Variants in ZMAT3 observed in about 807,000 individuals in gnomAD.
ZMAT3 encodes zinc finger matrin-type 3, also known as zinc finger matrin-type protein 3.
Under a neutral mutation model 32.3 loss-of-function variants are expected in ZMAT3, and 17 were observed. The observed-to-expected ratio is 0.53, with a 90% CI of 0.36 to 0.79. The LOEUF (loss-of-function observed/expected upper bound fraction) is 0.79. Ranked by LOEUF, ZMAT3 falls within the 30% of genes least tolerant of loss-of-function variation. The pLI, the probability that ZMAT3 is intolerant of heterozygous loss-of-function variation, is 0.00. For missense variants in ZMAT3, 329 were observed against 359.7 expected (o/e 0.91, Z 0.69); for synonymous variants, 120 against 133.1 (o/e 0.90, Z 0.68).
chr3:179,068,814 T>A (rs549358224), intron 1 of ZMAT3, among the ~76,000 whole-genome samples: 12 of 152,370 alleles, frequency 7.9e-5, no homozygotes, highest in African/African-American at 2.9e-4. Flanking sequence ...TTGTTTTCAT[T>A]TTTTTAAGTC....
At chr3:179,060,494 A>T (rs1477418658) in intron 2 of ZMAT3, among the ~76,000 whole-genome samples, 3 of 152,136 alleles carry the variant, frequency 2.0e-5, no homozygotes, top group African/African-American at 7.2e-5. Context: ...ATACAAAAAA[A>T]TTAGCTGGGC....
rs61604639 is a variant in ZMAT3, at chr3:179,068,511, C to CAA, written c.-57-704_-57-703dup. Among the ~76,000 whole-genome samples the CAA allele has an allele frequency of 1.7e-3, 227 of 137,144 alleles. 1 individual carries two copies. Among genetic ancestry groups the CAA allele is most frequent in the African/African-American group, 5.5e-3 (207 of 37,864 alleles). The allele number at this position is 137,144 out of a possible 152,430, so 90.0% of individuals were successfully genotyped here. On this transcript the variant is annotated intron_variant, in intron 1 of 5. Coordinates refer to ENST00000311417, the MANE Select transcript of ZMAT3 (RefSeq NM_022470.4). ...TGGGTGACAGAGCAAGACTGTGACT[C>CAA]AAAAAAAAAAAAGACCACCAGCTAA... is the stretch of plus-strand genomic sequence containing the variant.
intron 2 of ZMAT3, among the ~76,000 whole-genome samples, chr3:179,049,766 G>A (rs1720441297): frequency 6.6e-6 from 1 of 152,116 alleles, no homozygotes; most frequent in Admixed American, 6.5e-5. Flanking sequence ...GCCAAGGCAG[G>A]CGGATCACGA....
chr3:179,059,867 G>A (rs1721062135), intron 2 of ZMAT3, among the ~76,000 whole-genome samples: 1 of 152,176 alleles, frequency 6.6e-6, no homozygotes, highest in Non-Finnish European at 1.5e-5. Flanking sequence ...GGTCGACTAA[G>A]AATCCCTAAG....
chr3:179,025,941 G>A (rs189058444), intron 5 of ZMAT3, among the ~76,000 whole-genome samples: 2 of 152,112 alleles, frequency 1.3e-5, no homozygotes, highest in Admixed American at 6.5e-5. Flanking sequence ...TAAGCTGGAC[G>A]CTTAGTTCGT....
intron 2 of ZMAT3, among the ~76,000 whole-genome samples, 173 bp from the exon 3 acceptor site, chr3:179,031,172 A>G (rs780255070): frequency 2.0e-5 from 3 of 151,878 alleles, no homozygotes; most frequent in Admixed American, 6.6e-5. Flanking sequence ...TTTCTAATTA[A>G]TTATTGTTGT....
At chr3:179,043,813 C>G (rs914819722) in intron 2 of ZMAT3, among the ~76,000 whole-genome samples, 1 of 152,114 alleles carries the variant, frequency 6.6e-6, no homozygotes, top group Non-Finnish European at 1.5e-5. Context: ...AAAATTTTTG[C>G]GATCTCCCCA....
rs1718793074 is a variant in ZMAT3 at position 179,025,071 on chromosome 3, G to A, written c.816C>T (p.Ser272=). 1.2e-6 allele frequency: 2 copies of A among 1,614,062 alleles called. No individual in the cohort carries two copies. Among genetic ancestry groups the A allele is most frequent in the African/African-American group, 2.7e-5 (2 of 74,922 alleles). Residue 272 remains serine (S), a synonymous_variant, in exon 6 of 6, where the codon AGC becomes AGT. Coordinates refer to ENST00000311417, the MANE Select transcript of ZMAT3 (RefSeq NM_022470.4). ...TCCTGTACCGCTGTTCAGACACCTTGCTCTTATGTTGCTTGCTCTCTAAAT... is the reference window on the plus strand; with the variant it reads ...TCCTGTACCGCTGTTCAGACACCTTACTCTTATGTTGCTTGCTCTCTAAAT... ...RQHLESKQHK[S]KVSEQRYRNE... is the part of the protein sequence containing the mutation.
intron 2 of ZMAT3, among the ~76,000 whole-genome samples, chr3:179,044,985 A>G (rs946226886): frequency 2.0e-5 from 3 of 152,066 alleles, no homozygotes; most frequent in African/African-American, 7.2e-5. Flanking sequence ...CCTATGTATC[A>G]AACCTGCGCA....
At chr3:179,057,876 T>C (rs1395267951) in intron 2 of ZMAT3, among the ~76,000 whole-genome samples, 2 of 152,190 alleles carry the variant, frequency 1.3e-5, no homozygotes, top group Non-Finnish European at 2.9e-5. Context: ...AGAAAGCCAA[T>C]ACCCATTTAG....
At chr3:179,069,888 C>A (rs931934861) in intron 1 of ZMAT3, among the ~76,000 whole-genome samples, 3 of 152,200 alleles carry the variant, frequency 2.0e-5, no homozygotes, top group Admixed American at 2.0e-4. Flanking sequence ...AGAGTTTTAA[C>A]ATTTAAAAAG....
intron 2 of ZMAT3, among the ~76,000 whole-genome samples, chr3:179,043,857 G>C (rs1720084146): frequency 6.6e-6 from 1 of 152,058 alleles, no homozygotes; most frequent in African/African-American, 2.4e-5. Context: ...AATCTACAAA[G>C]AACTCAAATT....
intron 2 of ZMAT3, among the ~76,000 whole-genome samples, chr3:179,056,944 C>T (rs1232335903): frequency 6.6e-6 from 1 of 152,160 alleles, no homozygotes; most frequent in Non-Finnish European, 1.5e-5. Context: ...AGAAGGAACA[C>T]CCATTTGTTG....
At chr3:179,044,649 A>T (rs1055772498) in intron 2 of ZMAT3, among the ~76,000 whole-genome samples, 3 of 152,106 alleles carry the variant, frequency 2.0e-5, no homozygotes, top group Admixed American at 6.6e-5. Context: ...GTCTCAAAAG[A>T]AAAAAAGAAA....
At chr3:179,069,008 T>C (rs537256631) in intron 1 of ZMAT3, among the ~76,000 whole-genome samples, 1 of 152,312 alleles carries the variant, frequency 6.6e-6, no homozygotes, top group South Asian at 2.1e-4. Context: ...AGCTGCTGCC[T>C]GTACTTGTTA....
chr3:179,032,884 C>T (rs552363484), intron 2 of ZMAT3, among the ~76,000 whole-genome samples: 37 of 151,944 alleles, frequency 2.4e-4, no homozygotes, highest in African/African-American at 7.5e-4. Context: ...AGCCCCCGCC[C>T]GGCCGCTACA....
At chr3:179,032,070 T>TGC (rs745350966) in intron 2 of ZMAT3, among the ~76,000 whole-genome samples, 108,991 of 109,002 alleles carry the variant, frequency 1, 54,490 homozygotes, top group Middle Eastern at 1. Flanking sequence ...GCTGGACTGC[T>TGC]TGCCGCCATC....
intron 2 of ZMAT3, among the ~76,000 whole-genome samples, chr3:179,064,033 A>C (rs1337691003): frequency 6.6e-6 from 1 of 152,238 alleles, no homozygotes; most frequent in Non-Finnish European, 1.5e-5. Flanking sequence ...TTTATTGGGC[A>C]GTTTCCACTG....
chr3:179,031,399 TA>T lies in ZMAT3; in HGVS notation c.271-401del, dbSNP rs570557179. Among the ~76,000 whole-genome samples, 712 of 144,946 alleles carry T rather than the reference TA, an allele frequency of 4.9e-3. 6 individuals are homozygous for T. Among genetic ancestry groups the T allele is most frequent in the Non-Finnish European group, 6.3e-3 (413 of 65,616 alleles). ...TAATCAATGTATTTACTTAATCACTTAAAAAAAAAAAGAAAAAAACACAATA... is the reference window on the plus strand; with the variant it reads ...TAATCAATGTATTTACTTAATCACTTAAAAAAAAAAGAAAAAAACACAATA... On this transcript the variant is annotated intron_variant, in intron 2 of 5. Transcript: ENST00000311417.
Sources: gnomAD v4.1 joint callset for allele counts (sites outside exome capture counted in the v4.1 genomes callset) on GRCh38, gnomAD v4.1.1 for gene constraint, MANE v1.5 for transcripts, NCBI Gene and HGNC (gene_info 2026-07-23, HGNC 2026-07-21) for gene names.